SLC16A1: variants seen among roughly 807,000 people sequenced by gnomAD.
SLC16A1 encodes solute carrier family 16 member 1.
Under a neutral mutation model 32.2 loss-of-function variants are expected in SLC16A1, and 11 were observed. The observed-to-expected ratio is 0.34, with a 90% confidence interval of 0.21 to 0.56. The LOEUF is 0.56. SLC16A1 is among the 20% of genes least tolerant of loss of function. The pLI is 0.87. For synonymous variants in SLC16A1, 231 were observed against 226.8 expected (o/e 1.02, Z -0.17); for missense variants, 435 against 615.0 (o/e 0.71, Z 3.10).
chr1:112,933,752 G>A (rs1649214973), intron 1 of SLC16A1, among the ~76,000 whole-genome samples: 1 of 152,130 alleles, frequency 6.6e-6, no homozygotes. Flanking sequence ...TGACTTTGTG[G>A]GGTTATAAAG....
At chr1:112,947,763 T>C (rs1485817860) in intron 1 of SLC16A1, among the ~76,000 whole-genome samples, 1 of 152,218 alleles carries the variant, frequency 6.6e-6, no homozygotes, top group Admixed American at 6.5e-5. Context: ...ATTATGATGC[T>C]ATCTTTGACT....
chr1:112,940,542 AAT>A (rs1260577475), intron 1 of SLC16A1, among the ~76,000 whole-genome samples: 56 of 152,316 alleles, frequency 3.7e-4, no homozygotes, highest in African/African-American at 1.3e-3. Flanking sequence ...CATTCAACTG[AAT>A]CAGAATCAGG....
At chr1:112,947,126 T>C (rs1649732405) in intron 1 of SLC16A1, among the ~76,000 whole-genome samples, 1 of 152,246 alleles carries the variant, frequency 6.6e-6, no homozygotes, top group South Asian at 2.1e-4. Flanking sequence ...CAATAGTATG[T>C]TTTGCTTGGC....
intron 1 of SLC16A1, among the ~76,000 whole-genome samples, chr1:112,933,251 C>T (rs1232131677): frequency 1.3e-5 from 2 of 152,116 alleles, no homozygotes; most frequent in Admixed American, 1.3e-4. Flanking sequence ...GGGAGGATCA[C>T]GAGGTCAGGA....
chr1:112,917,572 A>C lies in SLC16A1; in HGVS notation c.834T>G (p.Phe278Leu). The change falls in exon 4 of 5, where the codon TTT becomes TTG. Residue 278 changes from phenylalanine (F) to leucine (L), a missense_variant. Phe to Leu is a conservative substitution (Grantham distance 22). Transcript: ENST00000369626. The surrounding 1 kb of genome is among the most constrained non-coding windows in gnomAD (Gnocchi z 4.1). ...AACTACTAAGAAACACCAAAGGTGC[A>C]AAGAGTCCAAAAAACATGATCACAT... is the stretch of plus-strand genomic sequence containing the variant. ...SGNVIMFFGL[F>L]APLVFLSSYG... is the part of the protein sequence containing the mutation. 6.2e-7 allele frequency: 1 copy of C among 1,614,212 alleles called. No homozygotes were observed. Among genetic ancestry groups the C allele is most frequent in the Non-Finnish European group, 8.5e-7 (1 of 1,180,036 alleles).
At chr1:112,935,451 G>A (rs1400308840) in intron 1 of SLC16A1, among the ~76,000 whole-genome samples, 3 of 152,138 alleles carry the variant, frequency 2.0e-5, no homozygotes, top group African/African-American at 7.2e-5. Flanking sequence ...ACATTAACTG[G>A]AAGACTGGAT....
In SLC16A1 at chr1:112,917,067, G is replaced by T; in HGVS notation, c.1228+111C>A. ...CCCAGCATCAAGGGTACATAAATGAGAAAGATTTATTCTTACCCAAATAGC... is the reference window on the plus strand; with the variant it reads ...CCCAGCATCAAGGGTACATAAATGATAAAGATTTATTCTTACCCAAATAGC... On this transcript the variant is annotated intron_variant, in intron 4 of 4. Coordinates refer to ENST00000369626, the MANE Select transcript of SLC16A1 (RefSeq NM_003051.4). This position sits in a 1 kb window ranked among gnomAD's most constrained non-coding sequence, Gnocchi z 4.1. 14 of 1,357,076 alleles carry T rather than the reference G, an allele frequency of 1.0e-5. No individual in the cohort carries two copies. Among genetic ancestry groups the T allele is most frequent in the Non-Finnish European group, 1.3e-5 (13 of 966,722 alleles). The allele number at this position is 1,357,076 out of a possible 1,614,324, so 84.1% of individuals were successfully genotyped here.
chr1:112,953,788 A>T (rs970174133), intron 1 of SLC16A1, among the ~76,000 whole-genome samples: 2 of 152,152 alleles, frequency 1.3e-5, no homozygotes, highest in African/African-American at 4.8e-5. Flanking sequence ...TCATCCTTCA[A>T]GTCTCAGGTT....
Position 112,917,936 on chromosome 1 carries a change from A to AGT in SLC16A1, c.469_470insAC (p.Phe157TyrfsTer24). On this transcript the variant is annotated frameshift_variant, in exon 4 of 5. Transcript: ENST00000369626. LOFTEE classifies it high-confidence loss of function. This position sits in a 1 kb window ranked among gnomAD's most constrained non-coding sequence, Gnocchi z 4.1. ...ATTGAGGGGGGCCAGAGTACAGAGG[A>AGT]ACACAGGGCTGCCTGCCATGGCCAG... 1 of 1,595,276 alleles carries AGT rather than the reference A, an allele frequency of 6.3e-7. No homozygotes were observed. Among genetic ancestry groups the AGT allele is most frequent in the South Asian group, 1.1e-5 (1 of 87,452 alleles).
At chr1:112,933,450 C>T (rs1299676145) in intron 1 of SLC16A1, among the ~76,000 whole-genome samples, 11 of 127,246 alleles carry the variant, frequency 8.6e-5, no homozygotes, top group African/African-American at 1.8e-4. Flanking sequence ...AGCGAGACTG[C>T]GTCTCAAAAA....
chr1:112,947,491 T>C (rs892117864), intron 1 of SLC16A1, among the ~76,000 whole-genome samples: 1 of 152,212 alleles, frequency 6.6e-6, no homozygotes, highest in Non-Finnish European at 1.5e-5. Context: ...AAGCTTTTCC[T>C]TTTCTTGCAA....
At chr1:112,919,019 A>AT (rs386368102) in intron 3 of SLC16A1, among the ~76,000 whole-genome samples, 1 of 149,678 alleles carries the variant, frequency 6.7e-6, no homozygotes, top group Non-Finnish European at 1.5e-5. Context: ...TATTTTATTT[A>AT]TTTATTTATT....
chr1:112,944,561 T>G (rs932282477), intron 1 of SLC16A1, among the ~76,000 whole-genome samples: 1 of 152,272 alleles, frequency 6.6e-6, no homozygotes, highest in Non-Finnish European at 1.5e-5. Flanking sequence ...CCTGTCATTC[T>G]ACCATCCTCA....
At chr1:112,929,436 G>T in intron 1 of SLC16A1, 84 bp from the exon 2 acceptor site, 6 of 793,282 alleles carry the variant, frequency 7.6e-6, no homozygotes, top group Non-Finnish European at 1.3e-5. Flanking sequence ...ATAGCCAATC[G>T]TGGTGGATCA....
intron 1 of SLC16A1, among the ~76,000 whole-genome samples, chr1:112,937,849 C>A (rs1649358776): frequency 1.3e-5 from 2 of 152,158 alleles, no homozygotes; most frequent in African/African-American, 4.8e-5. Flanking sequence ...GAGAAAAATT[C>A]TTCATTAATT....
intron 3 of SLC16A1, among the ~76,000 whole-genome samples, chr1:112,920,035 AAC>A (rs1648666754): frequency 6.6e-6 from 1 of 152,332 alleles, no homozygotes; most frequent in South Asian, 2.1e-4. Flanking sequence ...AATGGTTCCT[AAC>A]ACACATACAG....
chr1:112,926,051 T>G (rs1461348682), intron 2 of SLC16A1, among the ~76,000 whole-genome samples: 1 of 152,166 alleles, frequency 6.6e-6, no homozygotes, highest in Non-Finnish European at 1.5e-5. Flanking sequence ...AATAAAAAAT[T>G]AACTAATATA....
At chr1:112,930,731 T>G (rs1649097725) in intron 1 of SLC16A1, among the ~76,000 whole-genome samples, 1 of 151,396 alleles carries the variant, frequency 6.6e-6, no homozygotes, top group South Asian at 2.1e-4. Flanking sequence ...TAGGTTTTTT[T>G]TTTTTTTTTT....
At chr1:112,955,201 T>G (rs1650031875) in intron 1 of SLC16A1, 1 of 152,030 alleles carries the variant, frequency 6.6e-6, no homozygotes. Flanking sequence ...TTTTGGCAAC[T>G]GCTTGTTCCA....
Sources: allele counts gnomAD v4.1 joint callset (sites outside exome capture counted in the v4.1 genomes callset), GRCh38; gene constraint gnomAD v4.1.1; non-coding constraint Gnocchi (gnomAD v3.1); transcripts MANE v1.5; gene names NCBI Gene and HGNC (gene_info 2026-07-23, HGNC 2026-07-21).